FIGLA: variants seen among roughly 807,000 people sequenced by gnomAD.
The protein encoded by FIGLA is folliculogenesis specific bHLH transcription factor.
FIGLA carries 17 observed loss-of-function variants against 21.5 expected under a neutral mutation model. The ratio of observed to expected loss-of-function variants is 0.79; its 90% CI spans 0.54 to 1.19. FIGLA has a LOEUF of 1.19. FIGLA is among the 50% of genes most tolerant of loss of function. The pLI, the probability that FIGLA is intolerant of heterozygous loss-of-function variation, is 0.00. For missense variants in FIGLA, 282 were observed against 285.0 expected (o/e 0.99, Z 0.08); for synonymous variants, 129 against 117.6 (o/e 1.10, Z -0.63).
chr2:70,784,416 A>G (rs1675909665), intron 3 of FIGLA, among the ~76,000 whole-genome samples: 1 of 152,252 alleles, frequency 6.6e-6, no homozygotes, highest in Non-Finnish European at 1.5e-5. Flanking sequence ...TATGCCAGAT[A>G]CTTTGCTGAC....
chr2:70,788,234 G>T (rs1553390336), intron 1 of FIGLA, among the ~76,000 whole-genome samples: 1 of 152,138 alleles, frequency 6.6e-6, no homozygotes. Flanking sequence ...GCTTTTTGGG[G>T]GGTGTGATTA....
intron 1 of FIGLA, 85 bp from the exon 2 acceptor site, chr2:70,787,886 C>G (rs533299231): frequency 6.4e-6 from 9 of 1,414,782 alleles, no homozygotes; most frequent in African/African-American, 5.7e-5. Flanking sequence ...GTTGTTTCCA[C>G]TGCCTCCTTG....
At chr2:70,779,399 G>A (rs1160286447) in intron 3 of FIGLA, among the ~76,000 whole-genome samples, 1 of 152,246 alleles carries the variant, frequency 6.6e-6, no homozygotes, top group Middle Eastern at 3.4e-3. Context: ...TTTTACCATC[G>A]TATAGAGCCA....
chr2:70,787,612 T>C (rs1361363458), intron 2 of FIGLA, 37 bp downstream of exon 2: 18 of 1,542,266 alleles, frequency 1.2e-5, no homozygotes, highest in Non-Finnish European at 1.6e-5. Flanking sequence ...GCCTAATAAA[T>C]GGTGGCTATC....
chr2:70,782,227 A>C lies in FIGLA; in HGVS notation c.609+3188T>G, dbSNP rs550258138. ...CACCTTAAGCAAGTGATCAAAGTGAATATCCTTAGAAATAGAATAAATCAA... is the reference window on the plus strand; with the variant it reads ...CACCTTAAGCAAGTGATCAAAGTGACTATCCTTAGAAATAGAATAAATCAA... On this transcript the variant is annotated intron_variant, in intron 3 of 4. Transcript: ENST00000332372. 3.3e-5 allele frequency among the ~76,000 whole-genome samples: 5 copies of C among 152,376 alleles called. No homozygotes were observed. In the South Asian group the frequency reaches 1.0e-3, roughly 32 times the overall value.
At chr2:70,784,185 C>T (rs1028711909) in intron 3 of FIGLA, among the ~76,000 whole-genome samples, 28 of 152,042 alleles carry the variant, frequency 1.8e-4, no homozygotes, top group African/African-American at 4.6e-4. Context: ...AAGCCAAGGC[C>T]GCCCACCACC....
At chr2:70,787,589 G>C in intron 2 of FIGLA, 60 bp downstream of exon 2, 1 of 1,468,928 alleles carries the variant, frequency 6.8e-7, no homozygotes, top group Non-Finnish European at 9.3e-7. Context: ...ACAGTGTCTC[G>C]TACATAGAAA....
Position 70,790,540 on chromosome 2 carries a change from C to A in FIGLA, c.99G>T (p.Gln33His). The A allele has an allele frequency of 6.5e-7, 1 of 1,535,842 alleles. No individual in the cohort carries two copies. The highest frequency in any genetic ancestry group is 8.7e-7 in the Non-Finnish European group (1 of 1,145,494). ...AEVLEDVLREQFGPLPQLAAV... is the reference protein window; with the variant it reads ...AEVLEDVLREHFGPLPQLAAV... Reference sequence around the variant, plus strand: ...CGGCCAGCTGGGGCAGCGGCCCGAACTGCTCCCGCAACACGTCCTCCAGCA... The same window carrying A: ...CGGCCAGCTGGGGCAGCGGCCCGAAATGCTCCCGCAACACGTCCTCCAGCA... The change falls in exon 1 of 5, where the codon CAG becomes CAT. Residue 33 changes from glutamine (Q) to histidine (H), a missense_variant. By Grantham distance (24) the Gln-to-His change is conservative. Coordinates refer to ENST00000332372, the MANE Select transcript of FIGLA (RefSeq NM_001004311.3).
At chr2:70,787,854 T>A in intron 1 of FIGLA, 53 bp from the exon 2 acceptor site, 1 of 1,579,154 alleles carries the variant, frequency 6.3e-7, no homozygotes, top group South Asian at 1.2e-5. Flanking sequence ...TGTATAGACA[T>A]CTCCCCAAGC....
chr2:70,786,228 CTTTT>C (rs34626238), intron 2 of FIGLA, among the ~76,000 whole-genome samples: 3 of 95,674 alleles, frequency 3.1e-5, no homozygotes, highest in Admixed American at 1.3e-4. Context: ...ACTTTTCTGC[CTTTT>C]TTTTTTTTTT....
chr2:70,789,164 AT>A (rs1215234328), intron 1 of FIGLA, among the ~76,000 whole-genome samples: 1 of 151,938 alleles, frequency 6.6e-6, no homozygotes, highest in Non-Finnish European at 1.5e-5. Flanking sequence ...AATTATATAT[AT>A]ATATATATGA....
At chr2:70,790,276 C>A in intron 1 of FIGLA, 132 bp downstream of exon 1, 1 of 771,796 alleles carries the variant, frequency 1.3e-6, no homozygotes, top group South Asian at 2.1e-5. Flanking sequence ...AAGCTGGGGG[C>A]GTGGGAGGCC....
chr2:70,784,132 G>A (rs1675904172), intron 3 of FIGLA, among the ~76,000 whole-genome samples: 1 of 152,112 alleles, frequency 6.6e-6, no homozygotes, highest in Non-Finnish European at 1.5e-5. Flanking sequence ...CTGAGCATAT[G>A]CACAAATGAA....
At chr2:70,783,850 C>A (rs905411107) in intron 3 of FIGLA, among the ~76,000 whole-genome samples, 1 of 151,986 alleles carries the variant, frequency 6.6e-6, no homozygotes, top group Non-Finnish European at 1.5e-5. Flanking sequence ...TACAGGTGCC[C>A]GCCACCACGC....
chr2:70,780,736 A>T (rs2104597032), intron 3 of FIGLA, among the ~76,000 whole-genome samples: 1 of 152,272 alleles, frequency 6.6e-6, no homozygotes, highest in East Asian at 1.9e-4. Flanking sequence ...TCTCCCTCCT[A>T]AACAATTCAG....
chr2:70,785,571 C>T lies in FIGLA; in HGVS notation c.453G>A (p.Gln151=). ...TATGTTGGGTGATGTTTCTTGACAG[C>T]TGTCTTGCCGAGGATGTATGTGATT... ...SSESHTSSAR[Q]LSRNITQHIS... Residue 151 remains glutamine (Q), a synonymous_variant, in exon 3 of 5, where the codon CAG becomes CAA. Transcript: ENST00000332372. The T allele has an allele frequency of 6.2e-7, 1 of 1,614,036 alleles. No homozygotes were observed. The highest frequency in any genetic ancestry group is 8.5e-7 in the Non-Finnish European group (1 of 1,179,902).
intron 1 of FIGLA, among the ~76,000 whole-genome samples, chr2:70,788,522 A>T (rs563581370): frequency 6.6e-6 from 1 of 152,258 alleles, no homozygotes; most frequent in East Asian, 1.9e-4. Flanking sequence ...TCTGATGTTC[A>T]TCCCCCTGGG....
At chr2:70,780,825 C>A (rs1369069819) in intron 3 of FIGLA, among the ~76,000 whole-genome samples, 1 of 152,100 alleles carries the variant, frequency 6.6e-6, no homozygotes, top group Non-Finnish European at 1.5e-5. Flanking sequence ...AGAGCCCAAG[C>A]AGGGTGAGAT....
Position 70,777,355 on chromosome 2 carries a change from C to A in FIGLA, c.*12G>T, listed in dbSNP as rs782462422. On this transcript the variant is annotated 3_prime_UTR_variant, in exon 5 of 5. Coordinates refer to ENST00000332372, the MANE Select transcript of FIGLA (RefSeq NM_001004311.3). ...TTTGTCTCTAGAAGGTAACCCTGGG[C>A]CTTTTCATTTTTCATACTTGTGGAA... The A allele has an allele frequency of 6.7e-7, 1 of 1,493,028 alleles. No individual in the cohort carries two copies. Among genetic ancestry groups the A allele is most frequent in the African/African-American group, 1.4e-5 (1 of 71,046 alleles). 92.5% of individuals were successfully genotyped at this position (1,493,028 alleles called of 1,614,324 possible).
Sources: gnomAD v4.1 joint callset for allele counts (sites outside exome capture counted in the v4.1 genomes callset) on GRCh38, gnomAD v4.1.1 for gene constraint, MANE v1.5 for transcripts, NCBI Gene and HGNC (gene_info 2026-07-23, HGNC 2026-07-21) for gene names.